MGA: variants seen among roughly 807,000 people sequenced by gnomAD.
The protein encoded by MGA is MAX gene-associated protein.
MGA carries 40 observed loss-of-function variants against 261.1 expected under a neutral mutation model. The ratio of observed to expected loss-of-function variants is 0.15; its 90% CI spans 0.12 to 0.20. The LOEUF (loss-of-function observed/expected upper bound fraction) is 0.20, where lower values mean the gene tolerates loss of function less well. Ranked by LOEUF, MGA falls within the 10% of genes least tolerant of loss-of-function variation. MGA has a pLI of 1.00. For synonymous variants in MGA, 1,302 were observed against 1,290.6 expected (o/e 1.01, Z -0.19); for missense variants, 3,397 against 3,630.5 (o/e 0.94, Z 1.65).
intron 15 of MGA, 129 bp from the exon 16 acceptor site, chr15:41,748,508 G>T (rs577062196): frequency 9.9e-7 from 1 of 1,006,356 alleles, no homozygotes; most frequent in Non-Finnish European, 1.4e-6. Context: ...GTCAGTCGAG[G>T]TTGTGTCATT....
In MGA at chr15:41,766,103, A is replaced by T; in HGVS notation, c.8021A>T (p.Glu2674Val). ...ATGGGTGGCAGCAAATATCCTCATG[A>T]AGTTCCTGATAGCAAGCCATCTGAC... Residue 2674 changes from glutamate (E) to valine (V), a missense_variant, in exon 24 of 24, where the codon GAA becomes GTA. Glu to Val is a moderately radical substitution (Grantham distance 121). This residue lies in a region of MGA where 647 missense variants were observed against 642.4 expected (regional missense o/e 1.01). Transcript: ENST00000219905. The T allele has an allele frequency of 6.2e-7, 1 of 1,614,016 alleles. No homozygotes were observed.
Position 41,736,514 on chromosome 15 carries a change from C to CTGA in MGA, c.4253_4255dup (p.Asp1418dup). 1 of 1,613,988 alleles carries CTGA rather than the reference C, an allele frequency of 6.2e-7. No individual in the cohort carries two copies. The highest frequency in any genetic ancestry group is 8.5e-7 in the Non-Finnish European group (1 of 1,179,886). ...GCTGAGAAATCTGGATCAGAGACTCCTGATGGTCCATTGTCCCCTGGGAAA... is the reference window on the plus strand; with the variant it reads ...GCTGAGAAATCTGGATCAGAGACTCCTGATGATGGTCCATTGTCCCCTGGGAAA... On this transcript the variant is annotated inframe_insertion, in exon 13 of 24. Coordinates refer to ENST00000219905, the MANE Select transcript of MGA (RefSeq NM_001164273.2).
chr15:41,631,883 T>C (rs1320460761), intron 1 of MGA, among the ~76,000 whole-genome samples: 1 of 152,198 alleles, frequency 6.6e-6, no homozygotes, highest in East Asian at 1.9e-4. Context: ...TATGCTTCTA[T>C]GTTTCTTTTT....
At chr15:41,703,290 C>A (rs1310093425) in intron 5 of MGA, among the ~76,000 whole-genome samples, 1 of 150,074 alleles carries the variant, frequency 6.7e-6, no homozygotes, top group African/African-American at 2.4e-5. Flanking sequence ...AGAGTACATA[C>A]ATTAACATGA....
Position 41,729,192 on chromosome 15 carries a change from A to G in MGA, c.3686A>G (p.Tyr1229Cys). 6.2e-7 allele frequency: 1 copy of G among 1,613,854 alleles called. No individual in the cohort carries two copies. Among genetic ancestry groups the G allele is most frequent in the South Asian group, 1.1e-5 (1 of 91,036 alleles). The change falls in exon 11 of 24, where the codon TAC (tyrosine) becomes TGC (cysteine). Residue 1229 changes from tyrosine to cysteine, a missense_variant. Physicochemically the swap from Tyr to Cys is radical, Grantham distance 194 (BLOSUM62 -2). Coordinates refer to ENST00000219905, the MANE Select transcript of MGA (RefSeq NM_001164273.2). Reference sequence around the variant, plus strand: ...CGGGAAGAGGACAAAGATCCAGTCTACTTGTACTTTGAAAGTATGATGACT... The same window carrying G: ...CGGGAAGAGGACAAAGATCCAGTCTGCTTGTACTTTGAAAGTATGATGACT...
intron 2 of MGA, among the ~76,000 whole-genome samples, chr15:41,695,034 T>G (rs535385072): frequency 1.3e-5 from 2 of 152,286 alleles, no homozygotes; most frequent in African/African-American, 4.8e-5. Context: ...TATAGTGGTG[T>G]GTATAGTTTT....
intron 3 of MGA, among the ~76,000 whole-genome samples, chr15:41,698,430 G>C (rs566704371): frequency 2.4e-4 from 37 of 152,138 alleles, no homozygotes; most frequent in Non-Finnish European, 4.7e-4. Flanking sequence ...CTCCCAAAGT[G>C]CTGGGATTAT....
chr15:41,707,598 C>T (rs1184156099), intron 5 of MGA, 130 bp from the exon 6 acceptor site: 3 of 807,276 alleles, frequency 3.7e-6, no homozygotes, highest in African/African-American at 1.8e-5. Flanking sequence ...ATTGTTTTTG[C>T]TCTTCACTAT....
intron 7 of MGA, among the ~76,000 whole-genome samples, chr15:41,708,602 A>G (rs1393881816): frequency 2.6e-5 from 4 of 152,206 alleles, no homozygotes; most frequent in Non-Finnish European, 5.9e-5. Context: ...TACAGGCGTG[A>G]GCTGCCGCGC....
intron 11 of MGA, among the ~76,000 whole-genome samples, chr15:41,730,168 A>G (rs574301930): frequency 7.6e-4 from 116 of 152,214 alleles, no homozygotes; most frequent in African/African-American, 2.7e-3. Flanking sequence ...TGCTGGGATT[A>G]CAGGCGTGAG....
intron 1 of MGA, among the ~76,000 whole-genome samples, chr15:41,653,018 A>G (rs1046043937): frequency 1.3e-5 from 2 of 152,160 alleles, no homozygotes; most frequent in African/African-American, 4.8e-5. Context: ...ACCGCATTCA[A>G]GTTGCTTTGA....
In MGA at chr15:41,725,860, AT is replaced by A. The variant is rs751386847; in HGVS notation, c.3431-1319del. 3.2e-3 allele frequency among the ~76,000 whole-genome samples: 417 copies of A among 131,928 alleles called. 136 individuals are homozygous for A. The highest frequency in any genetic ancestry group is 4.6e-3 in the African/African-American group (137 of 29,554). The allele number at this position is 131,928 out of a possible 152,430, so 86.5% of individuals were successfully genotyped here. A position where few individuals can be genotyped will look rare whatever the true frequency, so the allele number is the denominator to read the frequency against. On this transcript the variant is annotated intron_variant, in intron 9 of 23. Coordinates refer to ENST00000219905, the MANE Select transcript of MGA (RefSeq NM_001164273.2). Reference sequence around the variant, plus strand: ...AAAAAAAAAAAAAAAAAAAAAATAAATAAATAAATAAATAAATAAGTAAACC... The same window carrying A: ...AAAAAAAAAAAAAAAAAAAAAATAAAAAATAAATAAATAAATAAGTAAACC...
At chr15:41,688,374 A>C (rs1040935727) in intron 2 of MGA, among the ~76,000 whole-genome samples, 6 of 151,808 alleles carry the variant, frequency 4.0e-5, no homozygotes, top group Non-Finnish European at 7.4e-5. Flanking sequence ...CCAGCCTAAA[A>C]CTCCTTATTT....
At chr15:41,707,932 A>C in intron 6 of MGA, 73 bp downstream of exon 6, 1 of 1,533,500 alleles carries the variant, frequency 6.5e-7, no homozygotes, top group African/African-American at 1.4e-5. Context: ...GTAAGTAAAA[A>C]GCTACCTTTA....
intron 1 of MGA, among the ~76,000 whole-genome samples, chr15:41,642,017 C>T (rs551104502): frequency 1.3e-5 from 2 of 151,886 alleles, no homozygotes; most frequent in East Asian, 1.9e-4. Context: ...ACTGGTCTCC[C>T]GCTGAATTCC....
At chr15:41,628,266 G>A (rs1412229625) in intron 1 of MGA, among the ~76,000 whole-genome samples, 2 of 151,470 alleles carry the variant, frequency 1.3e-5, no homozygotes, top group Non-Finnish European at 2.9e-5. Context: ...CTAGCTGTTC[G>A]GGAGCCTGAG....
At position 41,752,549 on chromosome 15, in the gene MGA, GTTTTTTTT is replaced by G. The variant is rs35282917; in HGVS notation, c.7009-1870_7009-1863del. On this transcript the variant is annotated intron_variant, in intron 17 of 23. Transcript: ENST00000219905. ...GAACTTACATAATAGAACCTTTAAAGTTTTTTTTTTTTTTTTTTTTTTTTTAACAGAGT... is the reference window on the plus strand; with the variant it reads ...GAACTTACATAATAGAACCTTTAAAGTTTTTTTTTTTTTTTTTAACAGAGT... 3.9e-5 allele frequency among the ~76,000 whole-genome samples: 4 copies of G among 102,116 alleles called. No individual in the cohort carries two copies. The South Asian group carries it at 1.5e-3, about 38-fold the overall frequency. The allele number at this position is 102,116 out of a possible 152,430, so 67.0% of individuals were successfully genotyped here.
chr15:41,749,457 A>G lies in MGA; in HGVS notation c.5850A>G (p.Pro1950=), dbSNP rs973604824. 1 of 1,614,004 alleles carries G rather than the reference A, an allele frequency of 6.2e-7. No individual in the cohort carries two copies. Among genetic ancestry groups the G allele is most frequent in the Non-Finnish European group, 8.5e-7 (1 of 1,179,888 alleles). Residue 1950 remains proline (P), a synonymous_variant, in exon 17 of 24, where the codon CCA becomes CCG. Transcript: ENST00000219905. ...GTAGTTTTGCCTTGTTACAGCTCCC[A>G]GGACAAAAGCCTGTTCCTAGCTCCA...
intron 17 of MGA, among the ~76,000 whole-genome samples, chr15:41,754,060 A>G (rs985435830): frequency 5.9e-5 from 9 of 152,112 alleles, no homozygotes; most frequent in African/African-American, 2.2e-4. Context: ...CTGTAATTAT[A>G]GGCGAGCACC....
Sources: gnomAD v4.1 joint callset for allele counts (sites outside exome capture counted in the v4.1 genomes callset) on GRCh38, gnomAD v4.1.1 for gene constraint, gnomAD v4.1.1 regional missense constraint, MANE v1.5 for transcripts, NCBI Gene and HGNC (gene_info 2026-07-23, HGNC 2026-07-21) for gene names.